MARCHF1: variants seen among roughly 807,000 people sequenced by gnomAD.
MARCHF1 encodes the protein E3 ubiquitin-protein ligase MARCHF1.
Under a neutral mutation model 54.2 loss-of-function variants are expected in MARCHF1, and 40 were observed. The observed-to-expected ratio is 0.74, with a 90% CI of 0.57 to 0.96. MARCHF1 has a LOEUF of 0.96. MARCHF1 is among the 40% of genes least tolerant of loss of function. The pLI is 0.00. For missense variants in MARCHF1, 586 were observed against 656.5 expected (o/e 0.89, Z 1.17); for synonymous variants, 236 against 236.3 (o/e 1.00, Z 0.01).
At chr4:164,126,680 C>T (rs1032587479) in intron 1 of MARCHF1, among the ~76,000 whole-genome samples, 7 of 152,068 alleles carry the variant, frequency 4.6e-5, no homozygotes, top group African/African-American at 9.7e-5. Flanking sequence ...GAGAAGGCTT[C>T]GGTCTTCTGG....
intron 1 of MARCHF1, among the ~76,000 whole-genome samples, chr4:164,316,424 G>A (rs1280706500): frequency 6.6e-6 from 1 of 152,134 alleles, no homozygotes; most frequent in Non-Finnish European, 1.5e-5. Flanking sequence ...ATTCATTAGG[G>A]TAGATGGTAA....
At chr4:164,269,397 C>G (rs900047596) in intron 1 of MARCHF1, among the ~76,000 whole-genome samples, 4 of 151,406 alleles carry the variant, frequency 2.6e-5, no homozygotes, top group Non-Finnish European at 5.9e-5. Flanking sequence ...TAAGTTAACA[C>G]CAGCTCCTGC....
intron 3 of MARCHF1, among the ~76,000 whole-genome samples, chr4:163,942,043 C>T (rs913384108): frequency 7.2e-5 from 11 of 152,134 alleles, no homozygotes; most frequent in African/African-American, 2.4e-4. Flanking sequence ...AAAGGTAAAA[C>T]ACTTTCTCAA....
In MARCHF1 at chr4:164,176,989, T is replaced by C. The variant is rs1218426660; in HGVS notation, c.-322-65327A>G. Among the ~76,000 whole-genome samples, 2 of 75,776 alleles carry C rather than the reference T, an allele frequency of 2.6e-5. 1 individual carries two copies. The highest frequency in any genetic ancestry group is 4.6e-5 in the Non-Finnish European group (2 of 43,108). 49.7% of individuals were successfully genotyped at this position (75,776 alleles called of 152,430 possible). A position where few individuals can be genotyped will look rare whatever the true frequency, so the allele number is the denominator to read the frequency against. ...CTCTCTCTCTCTCTCTCTATATATA[T>C]ATATATATATATATATATATACAAA... On this transcript the variant is annotated intron_variant, in intron 1 of 9. Coordinates refer to ENST00000514618, the MANE Select transcript of MARCHF1 (RefSeq NM_001394959.1).
intron 1 of MARCHF1, among the ~76,000 whole-genome samples, chr4:164,248,487 T>G (rs1488590236): frequency 6.6e-6 from 1 of 152,068 alleles, no homozygotes; most frequent in Non-Finnish European, 1.5e-5. Flanking sequence ...AATTTACTTT[T>G]GTATCTCTCA....
rs1005783777 is a variant in MARCHF1 at position 163,747,507 on chromosome 4, C to T, written c.112-46644G>A. On this transcript the variant is annotated intron_variant, in intron 4 of 9. Transcript: ENST00000514618. ...TGACAGTTGAATTTGACATGCAAAG[C>T]CTTTGAAATCTGGTAGTGTGAGACA... 3.3e-5 allele frequency among the ~76,000 whole-genome samples: 5 copies of T among 152,226 alleles called. No individual in the cohort carries two copies. In the East Asian group the frequency reaches 9.7e-4, roughly 29 times the overall value.
At position 164,345,783 on chromosome 4, in the gene MARCHF1, T is replaced by G. The variant is rs113462820; in HGVS notation, c.-323+38087A>C. Among the ~76,000 whole-genome samples, 206 of 152,108 alleles carry G rather than the reference T, an allele frequency of 1.4e-3. 1 individual carries two copies. The highest frequency in any genetic ancestry group is 6.8e-3 in the Middle Eastern group (2 of 292). ...GTTGTGGTATTTTATCATCTGCTGC[T>G]GGTTTTTTGTTTTCAAAGTTGTTTA... On this transcript the variant is annotated intron_variant, in intron 1 of 9. Transcript: ENST00000514618.
chr4:164,108,751 A>G (rs17044489), intron 2 of MARCHF1, among the ~76,000 whole-genome samples: 7,298 of 152,158 alleles, frequency 0.048, 580 homozygotes, highest in African/African-American at 0.17. Context: ...CTAGCATTAT[A>G]ACCAGAAAGT....
intron 1 of MARCHF1, among the ~76,000 whole-genome samples, chr4:164,151,013 G>A (rs1835508): frequency 0.19 from 28,933 of 152,004 alleles, 4,385 homozygotes; most frequent in African/African-American, 0.41. Context: ...TGGCTTGGAA[G>A]ATGAAAGAAA....
At chr4:164,277,930 C>T (rs1469147790) in intron 1 of MARCHF1, among the ~76,000 whole-genome samples, 1 of 152,128 alleles carries the variant, frequency 6.6e-6, no homozygotes, top group Non-Finnish European at 1.5e-5. Flanking sequence ...AGAAAATTGG[C>T]TAAGTGGTGG....
chr4:164,200,839 G>A (rs1433563493), intron 1 of MARCHF1, among the ~76,000 whole-genome samples: 2 of 152,178 alleles, frequency 1.3e-5, no homozygotes, highest in Non-Finnish European at 2.9e-5. Flanking sequence ...GGTGTATGCA[G>A]GTGAATGGTT....
intron 2 of MARCHF1, among the ~76,000 whole-genome samples, chr4:163,997,031 G>A (rs1753090183): frequency 6.6e-6 from 1 of 151,942 alleles, no homozygotes; most frequent in Admixed American, 6.6e-5. Context: ...CCACAGACAG[G>A]TCCATTGATT....
intron 1 of MARCHF1, among the ~76,000 whole-genome samples, chr4:164,220,538 T>C (rs1220116518): frequency 6.9e-6 from 1 of 145,822 alleles, no homozygotes; most frequent in African/African-American, 2.5e-5. Context: ...GATATATATC[T>C]ATATATGTAC....
chr4:164,350,984 G>T (rs375364779), intron 1 of MARCHF1, among the ~76,000 whole-genome samples: 1 of 152,006 alleles, frequency 6.6e-6, no homozygotes, highest in Non-Finnish European at 1.5e-5. Flanking sequence ...CCCTTTCCGA[G>T]TCAAAGAAAG....
chr4:163,942,247 A>G (rs1228392170), intron 3 of MARCHF1, among the ~76,000 whole-genome samples: 3 of 152,210 alleles, frequency 2.0e-5, no homozygotes, highest in Non-Finnish European at 2.9e-5. Flanking sequence ...AGTTATTCTC[A>G]AAGTACACCA....
At chr4:163,962,296 T>C (rs1228665517) in intron 3 of MARCHF1, among the ~76,000 whole-genome samples, 1 of 151,904 alleles carries the variant, frequency 6.6e-6, no homozygotes, top group Non-Finnish European at 1.5e-5. Context: ...CAAATATTTA[T>C]TGGACATCTT....
intron 4 of MARCHF1, among the ~76,000 whole-genome samples, chr4:163,724,899 C>A (rs1309879534): frequency 6.6e-6 from 1 of 152,134 alleles, no homozygotes; most frequent in African/African-American, 2.4e-5. Flanking sequence ...TTCCAGGTGC[C>A]GTCTGTCACC....
At chr4:164,251,563 A>G (rs1311233519) in intron 1 of MARCHF1, among the ~76,000 whole-genome samples, 1 of 152,196 alleles carries the variant, frequency 6.6e-6, no homozygotes, top group Non-Finnish European at 1.5e-5. Flanking sequence ...TTTACAAAGT[A>G]TGTAAACGAA....
intron 2 of MARCHF1, among the ~76,000 whole-genome samples, chr4:164,020,148 T>C (rs1337956257): frequency 6.6e-6 from 1 of 152,186 alleles, no homozygotes; most frequent in Non-Finnish European, 1.5e-5. Flanking sequence ...TGCCTCCAGT[T>C]CCTTCATAAG....
Sources: gnomAD v4.1 joint callset for allele counts (sites outside exome capture counted in the v4.1 genomes callset) on GRCh38, gnomAD v4.1.1 for gene constraint, MANE v1.5 for transcripts, NCBI Gene and HGNC (gene_info 2026-07-23, HGNC 2026-07-21) for gene names.